Variants in APBB2 observed in about 807,000 individuals in gnomAD.
The protein encoded by APBB2 is Fe65-like 1.
A neutral mutation model predicts 82.5 loss-of-function variants in APBB2; 38 were observed. The observed-to-expected ratio is 0.46, with a 90% CI of 0.36 to 0.60. The LOEUF is 0.60. Among genes scored for constraint, APBB2 ranks in the 20% least tolerant of loss-of-function variants. APBB2 has a pLI of 0.00. For synonymous variants in APBB2, 341 were observed against 368.2 expected, an observed-to-expected ratio of 0.93 and a Z score of 0.85; for missense variants, 772 against 972.3, an observed-to-expected ratio of 0.79 and a Z score of 2.74.
chr4:41,073,307 T>C (rs1408499718), intron 3 of APBB2, among the ~76,000 whole-genome samples: 1 of 152,250 alleles, frequency 6.6e-6, no homozygotes. Flanking sequence ...TTGTTTCTTC[T>C]TAACAACTTC....
intron 12 of APBB2, among the ~76,000 whole-genome samples, chr4:40,842,104 A>G (rs1756007110): frequency 6.6e-6 from 1 of 152,208 alleles, no homozygotes; most frequent in Admixed American, 6.5e-5. Flanking sequence ...GAGTGACCAC[A>G]TTGGTGTTAG....
chr4:41,031,979 A>G (rs1567232), intron 5 of APBB2, among the ~76,000 whole-genome samples: 128,198 of 152,114 alleles, frequency 0.84, 54,052 homozygotes, highest in East Asian at 0.89. Context: ...GCTCTAAGAC[A>G]CTGATATTCC....
chr4:41,205,516 A>G (rs187607922), intron 1 of APBB2, among the ~76,000 whole-genome samples: 12 of 152,308 alleles, frequency 7.9e-5, no homozygotes, highest in Non-Finnish European at 1.5e-4. Context: ...TGAAAGGCAA[A>G]GCTATTAAAA....
At chr4:40,918,720 T>TCCTTCCTC (rs1553857906) in intron 10 of APBB2, among the ~76,000 whole-genome samples, 171 of 143,686 alleles carry the variant, frequency 1.2e-3, no homozygotes, top group African/African-American at 4.4e-3. Flanking sequence ...CTTCCTTCCT[T>TCCTTCCTC]CCTCCCTCCC....
At chr4:41,034,312 A>G (rs1718273592) in intron 4 of APBB2, among the ~76,000 whole-genome samples, 1 of 152,130 alleles carries the variant, frequency 6.6e-6, no homozygotes, top group South Asian at 2.1e-4. Context: ...AAGAGCCTAT[A>G]TAAAAGGGGT....
chr4:40,832,213 T>C lies in APBB2; in HGVS notation c.1530-1636A>G, dbSNP rs1752260636. 6.6e-6 allele frequency among the ~76,000 whole-genome samples: 1 copy of C among 152,178 alleles called. No individual in the cohort carries two copies. The highest frequency in any genetic ancestry group is 2.1e-4 in the South Asian group (1 of 4,834). ...CTTTTCATAGACTATGATGGATACT[T>C]TCCCCAAGAAAGCCTTGGCGGCCTT... On this transcript the variant is annotated intron_variant, in intron 12 of 17. Transcript: ENST00000508593. The surrounding 1 kb of genome is among the most constrained non-coding windows in gnomAD (Gnocchi z 4.8).
chr4:40,986,010 T>C (rs906959051), intron 6 of APBB2, among the ~76,000 whole-genome samples: 1 of 152,200 alleles, frequency 6.6e-6, no homozygotes, highest in Non-Finnish European at 1.5e-5. Flanking sequence ...AGAAGTTTTG[T>C]AAGGGCTCCT....
intron 1 of APBB2, among the ~76,000 whole-genome samples, chr4:41,150,414 A>C (rs549719080): frequency 1.7e-4 from 26 of 152,334 alleles, no homozygotes; most frequent in Admixed American, 1.1e-3. Context: ...CTACCTAGAA[A>C]GAAGCTGGAA....
At chr4:41,145,290 T>C (rs181942647) in intron 1 of APBB2, among the ~76,000 whole-genome samples, 1 of 152,160 alleles carries the variant, frequency 6.6e-6, no homozygotes, top group East Asian at 1.9e-4. Flanking sequence ...AACCCATTGC[T>C]CTAATAAGCC....
intron 7 of APBB2, among the ~76,000 whole-genome samples, chr4:40,936,001 C>T (rs1332817243): frequency 6.6e-6 from 1 of 152,150 alleles, no homozygotes; most frequent in African/African-American, 2.4e-5. Context: ...GGGAAATAAG[C>T]AAGCAAGGCT....
rs758294120 is a variant in APBB2 at position 41,069,826 on chromosome 4, G to A, written c.-148-4153C>T. ...AAAGCAAAGCTGCAAATCACATTCA[G>A]CTGCATTTATACTTTTCACAGAAGA... On this transcript the variant is annotated intron_variant, in intron 3 of 17. Transcript: ENST00000508593. 4.1e-4 allele frequency among the ~76,000 whole-genome samples: 63 copies of A among 152,294 alleles called. 1 individual carries two copies. In the South Asian group the frequency reaches 5.6e-3, roughly 14 times the overall value.
At chr4:41,190,578 T>C (rs1258105730) in intron 1 of APBB2, among the ~76,000 whole-genome samples, 1 of 152,148 alleles carries the variant, frequency 6.6e-6, no homozygotes, top group Non-Finnish European at 1.5e-5. Flanking sequence ...AGTTCTGTGA[T>C]TATCTCCTCA....
chr4:41,186,292 C>T (rs1283850626), intron 1 of APBB2, among the ~76,000 whole-genome samples: 1 of 152,026 alleles, frequency 6.6e-6, no homozygotes, highest in Non-Finnish European at 1.5e-5. Flanking sequence ...AAATAGTAAT[C>T]ACTATTTTGC....
chr4:40,980,214 G>A (rs183231960), intron 6 of APBB2, among the ~76,000 whole-genome samples: 240 of 152,262 alleles, frequency 1.6e-3, no homozygotes, highest in Middle Eastern at 3.4e-3. Flanking sequence ...AGTACAGAAG[G>A]TGTTTCACTA....
At chr4:41,001,673 TTC>T (rs1487448361) in intron 6 of APBB2, among the ~76,000 whole-genome samples, 1 of 150,316 alleles carries the variant, frequency 6.7e-6, no homozygotes, top group Non-Finnish European at 1.5e-5. Context: ...CGGTCGGGAG[TTC>T]AAGACCAGCC....
At chr4:40,847,474 AC>A (rs767370474) in intron 12 of APBB2, among the ~76,000 whole-genome samples, 23 of 152,106 alleles carry the variant, frequency 1.5e-4, no homozygotes, top group Non-Finnish European at 2.8e-4. Flanking sequence ...AAATAAAACA[AC>A]ACGAAACACC....
intron 2 of APBB2, among the ~76,000 whole-genome samples, chr4:41,131,693 G>A (rs1459557868): frequency 1.3e-5 from 2 of 152,092 alleles, no homozygotes; most frequent in Non-Finnish European, 2.9e-5. Context: ...AGGAAAATAC[G>A]TTTCTAAAAT....
At chr4:41,006,458 ATTTTTTAT>A (rs1428848342) in intron 6 of APBB2, among the ~76,000 whole-genome samples, 2 of 151,936 alleles carry the variant, frequency 1.3e-5, no homozygotes, top group Admixed American at 6.6e-5. Flanking sequence ...TTATTTATTT[ATTTTTTAT>A]TTTTTTATTT....
chr4:40,982,277 AGAAAGAAGGAAGGAAG>A (rs1303555312), intron 6 of APBB2, among the ~76,000 whole-genome samples: 17 of 25,702 alleles, frequency 6.6e-4, no homozygotes, highest in African/African-American at 2.6e-3. Context: ...AAAGAAAGAA[AGAAAGAAGGAAGGAAG>A]GAAGGAAGGA....
Sources: gnomAD v4.1 joint callset for allele counts (sites outside exome capture counted in the v4.1 genomes callset) on GRCh38, gnomAD v4.1.1 for gene constraint, Gnocchi (gnomAD v3.1) non-coding constraint, MANE v1.5 for transcripts, NCBI Gene and HGNC (gene_info 2026-07-23, HGNC 2026-07-21) for gene names.